IER3IP1: variants seen among roughly 807,000 people sequenced by gnomAD.
The protein encoded by IER3IP1 is immediate early response 3 interacting protein 1.
IER3IP1 carries 16 observed loss-of-function variants against 12.2 expected under a neutral mutation model. That is an observed-to-expected ratio of 1.31 (90% CI 0.89 to 1.99). The LOEUF (loss-of-function observed/expected upper bound fraction) is 1.99. IER3IP1 is among the 30% of genes most tolerant of loss of function. The pLI, the probability that IER3IP1 is intolerant of heterozygous loss-of-function variation, is 0.00. For missense variants in IER3IP1, 95 were observed against 95.8 expected (o/e 0.99, Z 0.03); for synonymous variants, 42 against 40.0 (o/e 1.05, Z -0.19).
At position 47,165,502 on chromosome 18, in the gene IER3IP1, G is replaced by A. The variant is rs575869037; in HGVS notation, c.92-7965C>T. On this transcript the variant is annotated intron_variant, in intron 1 of 2. Coordinates refer to ENST00000256433, the MANE Select transcript of IER3IP1 (RefSeq NM_016097.5). Reference sequence around the variant, plus strand: ...CAGGAGATGGAGGTTGCAGTGAGCTGAGATAGTGCCACTGCACTCCAGCCT... The same window carrying A: ...CAGGAGATGGAGGTTGCAGTGAGCTAAGATAGTGCCACTGCACTCCAGCCT... 1.7e-4 allele frequency among the ~76,000 whole-genome samples: 25 copies of A among 150,288 alleles called. No individual in the cohort carries two copies. In the South Asian group the frequency reaches 5.2e-3, roughly 32 times the overall value.
At position 47,172,575 on chromosome 18, in the gene IER3IP1, A is replaced by C. The variant is rs1600002955; in HGVS notation, c.91+3612T>G. Among the ~76,000 whole-genome samples, 1 of 152,306 alleles carries C rather than the reference A, an allele frequency of 6.6e-6. No individual in the cohort carries two copies. The highest frequency in any genetic ancestry group is 1.9e-4 in the East Asian group (1 of 5,182). On this transcript the variant is annotated intron_variant, in intron 1 of 2. Transcript: ENST00000256433. This position sits in a 1 kb window ranked among gnomAD's most constrained non-coding sequence, Gnocchi z 4.0. The stretch of plus-strand genomic sequence containing the variant: ...TTTTCAATCTGATAACCAAGTGACT[A>C]ATAGGTGGGTAGCATATACAATGTG...
At chr18:47,156,291 A>T (rs2063958828) in intron 2 of IER3IP1, 59 bp from the exon 3 acceptor site, 1 of 917,026 alleles carries the variant, frequency 1.1e-6, no homozygotes, top group Non-Finnish European at 1.8e-6. Context: ...AAAAACCAGA[A>T]AATAATAATT....
chr18:47,168,301 C>CAAAAAAAAAAAAA (rs35347851), intron 1 of IER3IP1, among the ~76,000 whole-genome samples: 7 of 107,134 alleles, frequency 6.5e-5, no homozygotes, highest in African/African-American at 1.5e-4. Flanking sequence ...GACTCCATCA[C>CAAAAAAAAAAAAA]AAAAAAAAAA....
chr18:47,168,125 C>CAAAAA (rs1161198067), intron 1 of IER3IP1, among the ~76,000 whole-genome samples: 4 of 25,164 alleles, frequency 1.6e-4, no homozygotes, highest in Non-Finnish European at 2.7e-4. Context: ...GACTCCGTCT[C>CAAAAA]AAAAAAAAAA....
intron 1 of IER3IP1, among the ~76,000 whole-genome samples, chr18:47,168,125 C>CAAA (rs1161198067): frequency 3.6e-4 from 9 of 25,152 alleles, no homozygotes; most frequent in African/African-American, 1.4e-3. Context: ...GACTCCGTCT[C>CAAA]AAAAAAAAAA....
At chr18:47,173,354 T>A (rs1041753378) in intron 1 of IER3IP1, among the ~76,000 whole-genome samples, 1 of 152,174 alleles carries the variant, frequency 6.6e-6, no homozygotes, top group African/African-American at 2.4e-5. Flanking sequence ...ATACCTTTTT[T>A]TTCTTCCTTC....
intron 1 of IER3IP1, among the ~76,000 whole-genome samples, chr18:47,161,629 T>C (rs935061095): frequency 1.3e-5 from 2 of 152,110 alleles, no homozygotes; most frequent in Admixed American, 1.3e-4. Flanking sequence ...CTATTTGCAG[T>C]CAGTTACTCC....
intron 1 of IER3IP1, among the ~76,000 whole-genome samples, chr18:47,168,629 T>C (rs2064004987): frequency 1.3e-5 from 2 of 152,198 alleles, no homozygotes; most frequent in Non-Finnish European, 2.9e-5. Flanking sequence ...AGCATTCCAT[T>C]ATATGAATAC....
rs1327332495 is a variant in IER3IP1, at chr18:47,153,235, A to G, written c.*2942T>C. On this transcript the variant is annotated 3_prime_UTR_variant, in exon 3 of 3. Coordinates refer to ENST00000256433, the MANE Select transcript of IER3IP1 (RefSeq NM_016097.5). ...GGAACTCATTTAGCTTTTTATTTCAATAGCTTTAGGGGTACAAGTGGTTTC... is the reference window on the plus strand; with the variant it reads ...GGAACTCATTTAGCTTTTTATTTCAGTAGCTTTAGGGGTACAAGTGGTTTC... 1.3e-5 allele frequency: 2 copies of G among 152,124 alleles called. No individual in the cohort carries two copies. Among genetic ancestry groups the G allele is most frequent in the African/African-American group, 4.8e-5 (2 of 41,402 alleles). The allele number at this position is 152,124 out of a possible 1,614,324, so 9.4% of individuals were successfully genotyped here. A position where few individuals can be genotyped will look rare whatever the true frequency, so the allele number is the denominator to read the frequency against.
At position 47,156,123 on chromosome 18, in the gene IER3IP1, T is replaced by C. The variant is rs2063957949; in HGVS notation, c.*54A>G. 5.6e-6 allele frequency: 6 copies of C among 1,080,012 alleles called. No homozygotes were observed. 66.9% of individuals were successfully genotyped at this position (1,080,012 alleles called of 1,614,324 possible). A position where few individuals can be genotyped will look rare whatever the true frequency, so the allele number is the denominator to read the frequency against. On this transcript the variant is annotated 3_prime_UTR_variant, in exon 3 of 3. Coordinates refer to ENST00000256433, the MANE Select transcript of IER3IP1 (RefSeq NM_016097.5). ...ATAAATATTCCAATAATGACCAAAG[T>C]AATAACTTCTACTGGCATGTCCTCT...
intron 1 of IER3IP1, among the ~76,000 whole-genome samples, chr18:47,167,799 G>C (rs903015261): frequency 6.6e-6 from 1 of 152,092 alleles, no homozygotes; most frequent in African/African-American, 2.4e-5. Context: ...CAAAATGTCT[G>C]AAACAATGTT....
chr18:47,171,593 G>T (rs961625758), intron 1 of IER3IP1, among the ~76,000 whole-genome samples: 2 of 152,184 alleles, frequency 1.3e-5, no homozygotes, highest in African/African-American at 4.8e-5. Context: ...TCTAGCTAAA[G>T]ACTTGTCAAT....
intron 1 of IER3IP1, among the ~76,000 whole-genome samples, chr18:47,169,217 C>A (rs748004861): frequency 6.6e-6 from 1 of 152,210 alleles, no homozygotes; most frequent in Non-Finnish European, 1.5e-5. Flanking sequence ...CGACTAGCTT[C>A]TTTCACTTAA....
intron 1 of IER3IP1, among the ~76,000 whole-genome samples, chr18:47,174,184 T>C (rs2064023825): frequency 6.6e-6 from 1 of 152,220 alleles, no homozygotes; most frequent in Non-Finnish European, 1.5e-5. Flanking sequence ...ATTTGAATCC[T>C]AGCTCCACCA....
At position 47,154,909 on chromosome 18, in the gene IER3IP1, TA is replaced by T. The variant is rs1284033828; in HGVS notation, c.*1267del. On this transcript the variant is annotated 3_prime_UTR_variant, in exon 3 of 3. Transcript: ENST00000256433. The stretch of plus-strand genomic sequence containing the variant: ...TTCACTGAAGAAAAAAAAATACATG[TA>T]AATATTTACTTTCATTAACTCTATA... The T allele has an allele frequency of 6.6e-6, 1 of 152,182 alleles. No individual in the cohort carries two copies. Among genetic ancestry groups the T allele is most frequent in the Non-Finnish European group, 1.5e-5 (1 of 68,026 alleles). The allele number at this position is 152,182 out of a possible 1,614,324, so 9.4% of individuals were successfully genotyped here. A position where few individuals can be genotyped will look rare whatever the true frequency, so the allele number is the denominator to read the frequency against.
intron 1 of IER3IP1, among the ~76,000 whole-genome samples, chr18:47,162,742 A>G (rs2063983720): frequency 6.6e-6 from 1 of 152,206 alleles, no homozygotes; most frequent in Non-Finnish European, 1.5e-5. Context: ...AACGAAGGAC[A>G]TGAGCCTTTT....
chr18:47,176,196 G>A lies in IER3IP1; in HGVS notation c.82C>T (p.Leu28Phe), dbSNP rs1245249963. The change falls in exon 1 of 3, where the codon CTC becomes TTC. Residue 28 changes from leucine to phenylalanine, a missense_variant. Transcript: ENST00000256433. ...CCGCGGTCCCACTCACTGTTCTTGA[G>A]GAATCGCTCCTCGTGCAGCACTGCG... is the stretch of plus-strand genomic sequence containing the variant. ...AIAVLHEERF[L>F]KNIGWGTDQG... The A allele has an allele frequency of 1.3e-6, 2 of 1,597,300 alleles. No homozygotes were observed.
chr18:47,173,422 A>C (rs2064021541), intron 1 of IER3IP1, among the ~76,000 whole-genome samples: 1 of 152,124 alleles, frequency 6.6e-6, no homozygotes, highest in African/African-American at 2.4e-5. Context: ...TCTCAGCTCA[A>C]TGCAACCTCT....
At chr18:47,163,536 C>A (rs1323720898) in intron 1 of IER3IP1, among the ~76,000 whole-genome samples, 1 of 152,122 alleles carries the variant, frequency 6.6e-6, no homozygotes, top group Non-Finnish European at 1.5e-5. Flanking sequence ...CTGTGGAAAG[C>A]GAAACTGTGA....
Sources: gnomAD v4.1 joint callset for allele counts (sites outside exome capture counted in the v4.1 genomes callset) on GRCh38, gnomAD v4.1.1 for gene constraint, Gnocchi (gnomAD v3.1) non-coding constraint, MANE v1.5 for transcripts, NCBI Gene and HGNC (gene_info 2026-07-23, HGNC 2026-07-21) for gene names.